The following BTBD17 variants were observed in gnomAD, a reference collection of about 807,000 sequenced individuals.
The protein encoded by BTBD17 is BTB domain containing 17.
Under a neutral mutation model 36.9 loss-of-function variants are expected in BTBD17, and 26 were observed. That is an observed-to-expected ratio of 0.70 (90% CI 0.52 to 0.98). The LOEUF (loss-of-function observed/expected upper bound fraction) is 0.98, where lower values mean the gene tolerates loss of function less well. Ranked by LOEUF, BTBD17 falls within the 50% of genes least tolerant of loss-of-function variation. BTBD17 has a pLI of 0.00. For synonymous variants in BTBD17, 341 were observed against 338.0 expected (o/e 1.01, Z -0.10); for missense variants, 630 against 691.3 (o/e 0.91, Z 0.99).
Position 74,357,778 on chromosome 17 carries a change from C to A in BTBD17, c.363-47G>T. The A allele has an allele frequency of 6.9e-7, 1 of 1,442,168 alleles. No homozygotes were observed. The allele number at this position is 1,442,168 out of a possible 1,614,324, so 89.3% of individuals were successfully genotyped here. Reference sequence around the variant, plus strand: ...GGGGCGGGGTCAGGGCGGTACCCACCTCCCAGGATAGATTTTTTAGAGTCC... The same window carrying A: ...GGGGCGGGGTCAGGGCGGTACCCACATCCCAGGATAGATTTTTTAGAGTCC... On this transcript the variant is annotated intron_variant, in intron 2 of 2. Transcript: ENST00000375366. This position sits in a 1 kb window ranked among gnomAD's most constrained non-coding sequence, Gnocchi z 8.4.
rs770866677 is a variant in BTBD17 at position 74,357,165 on chromosome 17, G to C, written c.929C>G (p.Ala310Gly). 9.7e-6 allele frequency: 15 copies of C among 1,547,176 alleles called. No individual in the cohort carries two copies. Among genetic ancestry groups the C allele is most frequent in the South Asian group, 8.5e-5 (7 of 82,798 alleles). Reference protein sequence around the residue: ...YAKFFDVNGSAFLPRNYLAPA... With the variant: ...YAKFFDVNGSGFLPRNYLAPA... ...CGCGAGGTAGTTGCGGGGCAGGAAGGCGCTGCCGTTGACGTCGAAGAACTT... is the reference window on the plus strand; with the variant it reads ...CGCGAGGTAGTTGCGGGGCAGGAAGCCGCTGCCGTTGACGTCGAAGAACTT... The change falls in exon 3 of 3, where the codon GCC becomes GGC. Residue 310 changes from alanine to glycine, a missense_variant. Coordinates refer to ENST00000375366, the MANE Select transcript of BTBD17 (RefSeq NM_001080466.2). The surrounding 1 kb of genome is among the most constrained non-coding windows in gnomAD (Gnocchi z 8.4).
chr17:74,361,674 G>C (rs527274342), intron 1 of BTBD17, 61 bp downstream of exon 1: 132 of 1,449,990 alleles, frequency 9.1e-5, no homozygotes, highest in Admixed American at 2.0e-4. Context: ...GCCGCGTGCA[G>C]CCAGGGCTGG....
At position 74,360,115 on chromosome 17, in the gene BTBD17, C is replaced by A. The variant is rs766568463; in HGVS notation, c.216G>T (p.Ala72=). Residue 72 remains alanine, a synonymous_variant, in exon 2 of 3, where the codon GCG becomes GCT. Coordinates refer to ENST00000375366, the MANE Select transcript of BTBD17 (RefSeq NM_001080466.2). ...ASDVVLRVQA[A]GTDEVRVFHA... The stretch of plus-strand genomic sequence containing the variant: ...GGAATACCCGGACCTCATCGGTGCC[C>A]GCAGCCTGCACCCGCAGAACCACAT... 1 of 1,613,224 alleles carries A rather than the reference C, an allele frequency of 6.2e-7. No individual in the cohort carries two copies. The highest frequency in any genetic ancestry group is 1.3e-5 in the African/African-American group (1 of 75,060).
At position 74,357,001 on chromosome 17, in the gene BTBD17, G is replaced by A. The variant is rs757638275; in HGVS notation, c.1093C>T (p.Leu365=). 1.3e-6 allele frequency: 2 copies of A among 1,493,114 alleles called. No individual in the cohort carries two copies. Among genetic ancestry groups the A allele is most frequent in the African/African-American group, 1.4e-5 (1 of 69,058 alleles). The allele number at this position is 1,493,114 out of a possible 1,614,324, so 92.5% of individuals were successfully genotyped here. A position where few individuals can be genotyped will look rare whatever the true frequency, so the allele number is the denominator to read the frequency against. The change falls in exon 3 of 3, where the codon CTG becomes TTG. Residue 365 remains leucine, a synonymous_variant. Transcript: ENST00000375366. The surrounding 1 kb of genome is among the most constrained non-coding windows in gnomAD (Gnocchi z 8.4). The part of the protein sequence containing the change: ...TWNVLFSPRW[L]PVSLRPVYAD... ...TAAACGGGCCGCAGGCTGACGGGCA[G>A]CCAGCGCGGCGAGAAGAGCACGTTC...
Position 74,356,756 on chromosome 17 carries a change from G to T in BTBD17, c.1338C>A (p.Asp446Glu). The change falls in exon 3 of 3, where the codon GAC (aspartate) becomes GAA (glutamate). Residue 446 changes from aspartate to glutamate, a missense_variant. Transcript: ENST00000375366. This position sits in a 1 kb window ranked among gnomAD's most constrained non-coding sequence, Gnocchi z 4.3. The stretch of plus-strand genomic sequence containing the variant: ...GGTACTCGGAGTTGCGCCGCTGCAG[G>T]TCGGCGTGCGCCAGGAAGTCGCCGG... The part of the protein sequence containing the change: ...EEAGDFLAHA[D>E]LQRRNSEYLV... 6.2e-7 allele frequency: 1 copy of T among 1,601,710 alleles called. No homozygotes were observed. Among genetic ancestry groups the T allele is most frequent in the Non-Finnish European group, 8.5e-7 (1 of 1,175,054 alleles).
Position 74,356,447 on chromosome 17 carries a change from C to T in BTBD17, c.*210G>A, listed in dbSNP as rs1310560993. On this transcript the variant is annotated 3_prime_UTR_variant, in exon 3 of 3. Coordinates refer to ENST00000375366, the MANE Select transcript of BTBD17 (RefSeq NM_001080466.2). This position sits in a 1 kb window ranked among gnomAD's most constrained non-coding sequence, Gnocchi z 4.3. ...ACTCTGAGCATCGGTTTATTCAGGA[C>T]CAAGAACGTTCCTTCAAGTCAGCTG... 4 of 787,704 alleles carry T rather than the reference C, an allele frequency of 5.1e-6. No homozygotes were observed. The highest frequency in any genetic ancestry group is 7.0e-6 in the Non-Finnish European group (4 of 573,902). The allele number at this position is 787,704 out of a possible 1,614,324, so 48.8% of individuals were successfully genotyped here. A position where few individuals can be genotyped will look rare whatever the true frequency, so the allele number is the denominator to read the frequency against.
chr17:74,356,727 A>G lies in BTBD17; in HGVS notation c.1367T>C (p.Val456Ala), dbSNP rs372405465. Residue 456 changes from valine (V) to alanine (A), a missense_variant, in exon 3 of 3, where the codon GTT becomes GCT. Val to Ala is a moderately conservative substitution (Grantham distance 64). Transcript: ENST00000375366. The surrounding 1 kb of genome is among the most constrained non-coding windows in gnomAD (Gnocchi z 4.3). ...DLQRRNSEYLVENALHLHLIV... is the reference protein window; with the variant it reads ...DLQRRNSEYLAENALHLHLIV... ...GAGGTGCAGGTGCAGGGCGTTCTCA[A>G]CCAGGTACTCGGAGTTGCGCCGCTG... is the stretch of plus-strand genomic sequence containing the variant. 10 of 1,599,180 alleles carry G rather than the reference A, an allele frequency of 6.3e-6. No individual in the cohort carries two copies. The highest frequency in any genetic ancestry group is 3.4e-5 in the South Asian group (3 of 88,320).
chr17:74,357,497 C>A lies in BTBD17; in HGVS notation c.597G>T (p.Val199=). The A allele has an allele frequency of 6.4e-7, 1 of 1,566,966 alleles. No homozygotes were observed. Among genetic ancestry groups the A allele is most frequent in the Non-Finnish European group, 8.6e-7 (1 of 1,164,694 alleles). ...LQFLAWNLSA[V]AASTEWGAVS... ...CGGCGCCCCACTCGGTGCTGGCCGC[C>A]ACGGCCGACAGGTTCCAGGCCAGGA... The change falls in exon 3 of 3, where the codon GTG becomes GTT. Residue 199 remains valine, a synonymous_variant. Transcript: ENST00000375366. This position sits in a 1 kb window ranked among gnomAD's most constrained non-coding sequence, Gnocchi z 8.4.
Position 74,356,916 on chromosome 17 carries a change from A to C in BTBD17, c.1178T>G (p.Leu393Arg). ...AARPEDGRPR[L>R]VVTPASSGGD... is the part of the protein sequence containing the mutation. ...GCCGCTGCTGGCCGGCGTCACCACC[A>C]GCCGCGGTCGGCCGTCCTCCGGGCG... The change falls in exon 3 of 3, where the codon CTG becomes CGG. Residue 393 changes from leucine (L) to arginine (R), a missense_variant. Physicochemically the swap from Leu to Arg is moderately radical, Grantham distance 102. Coordinates refer to ENST00000375366, the MANE Select transcript of BTBD17 (RefSeq NM_001080466.2). The surrounding 1 kb of genome is among the most constrained non-coding windows in gnomAD (Gnocchi z 4.3). 1 of 1,424,584 alleles carries C rather than the reference A, an allele frequency of 7.0e-7. No individual in the cohort carries two copies. Among genetic ancestry groups the C allele is most frequent in the Non-Finnish European group, 9.1e-7 (1 of 1,100,616 alleles). 88.2% of individuals were successfully genotyped at this position (1,424,584 alleles called of 1,614,324 possible).
chr17:74,358,809 T>C (rs556777846), intron 2 of BTBD17, among the ~76,000 whole-genome samples: 1 of 152,240 alleles, frequency 6.6e-6, no homozygotes, highest in African/African-American at 2.4e-5. Context: ...ATTTCTCCCC[T>C]TTCCCCTGCG....
Position 74,357,829 on chromosome 17 carries a change from G to T in BTBD17, c.363-98C>A. ...ACAGGGGACCCGGCCTGGAGTTGGA[G>T]CTTCACTGTCCGGGTGCAAACACAG... On this transcript the variant is annotated intron_variant, in intron 2 of 2. Coordinates refer to ENST00000375366, the MANE Select transcript of BTBD17 (RefSeq NM_001080466.2). This position sits in a 1 kb window ranked among gnomAD's most constrained non-coding sequence, Gnocchi z 8.4. 4 of 952,090 alleles carry T rather than the reference G, an allele frequency of 4.2e-6. No homozygotes were observed. The highest frequency in any genetic ancestry group is 6.0e-6 in the Non-Finnish European group (4 of 661,200). The allele number at this position is 952,090 out of a possible 1,614,324, so 59.0% of individuals were successfully genotyped here.
At chr17:74,362,734 C>T (rs553620260), upstream of BTBD17, among the ~76,000 whole-genome samples, 4 of 152,328 alleles carry the variant, frequency 2.6e-5, no homozygotes, top group African/African-American at 7.2e-5. Flanking sequence ...TCTGGGTTCA[C>T]CTCCTTGGAA....
At chr17:74,362,955 A>AGC (rs149234241), upstream of BTBD17, among the ~76,000 whole-genome samples, 19,939 of 84,556 alleles carry the variant, frequency 0.24, 1,432 homozygotes, top group Admixed American at 0.28. Context: ...GCTCAGCAAA[A>AGC]GCGCGCGCGC....
In BTBD17 at chr17:74,357,124, G is replaced by T; in HGVS notation, c.970C>A (p.Pro324Thr). ...RNYLAPAWGA[P>T]WVINNPARDD... ...CGGGCCGGGTTGTTGATGACCCACG[G>T]GGCGCCCCAGGCGGGCGCGAGGTAG... The change falls in exon 3 of 3, where the codon CCG becomes ACG. Residue 324 changes from proline to threonine, a missense_variant. By Grantham distance (38) the Pro-to-Thr change is conservative (BLOSUM62 -1). Transcript: ENST00000375366. This position sits in a 1 kb window ranked among gnomAD's most constrained non-coding sequence, Gnocchi z 8.4. 1 of 1,527,392 alleles carries T rather than the reference G, an allele frequency of 6.5e-7. No homozygotes were observed. 94.6% of individuals were successfully genotyped at this position (1,527,392 alleles called of 1,614,324 possible). A position where few individuals can be genotyped will look rare whatever the true frequency, so the allele number is the denominator to read the frequency against.
rs1439957127 is a variant in BTBD17 at position 74,357,831 on chromosome 17, T to C, written c.363-100A>G. ...AGGGGACCCGGCCTGGAGTTGGAGCTTCACTGTCCGGGTGCAAACACAGTG... is the reference window on the plus strand; with the variant it reads ...AGGGGACCCGGCCTGGAGTTGGAGCCTCACTGTCCGGGTGCAAACACAGTG... On this transcript the variant is annotated intron_variant, in intron 2 of 2. Transcript: ENST00000375366. The surrounding 1 kb of genome is among the most constrained non-coding windows in gnomAD (Gnocchi z 8.4). 2.1e-6 allele frequency: 2 copies of C among 939,082 alleles called. No homozygotes were observed. The highest frequency in any genetic ancestry group is 3.1e-6 in the Non-Finnish European group (2 of 650,784). The allele number at this position is 939,082 out of a possible 1,614,324, so 58.2% of individuals were successfully genotyped here. A position where few individuals can be genotyped will look rare whatever the true frequency, so the allele number is the denominator to read the frequency against.
In BTBD17 at chr17:74,357,017, G is replaced by C. The variant is rs745320482; in HGVS notation, c.1077C>G (p.Leu359=). The part of the protein sequence containing the change: ...DAGRRVTWNV[L]FSPRWLPVSL... The stretch of plus-strand genomic sequence containing the variant: ...TGACGGGCAGCCAGCGCGGCGAGAA[G>C]AGCACGTTCCAGGTGACCCGGCGGC... Residue 359 remains leucine (L), a synonymous_variant, in exon 3 of 3, where the codon CTC becomes CTG. Transcript: ENST00000375366. This position sits in a 1 kb window ranked among gnomAD's most constrained non-coding sequence, Gnocchi z 8.4. 1 of 1,518,428 alleles carries C rather than the reference G, an allele frequency of 6.6e-7. No homozygotes were observed. Among genetic ancestry groups the C allele is most frequent in the East Asian group, 2.7e-5 (1 of 37,250 alleles). 94.1% of individuals were successfully genotyped at this position (1,518,428 alleles called of 1,614,324 possible).
rs1386261996 is a variant in BTBD17 at position 74,357,128 on chromosome 17, G to T, written c.966C>A (p.Gly322=). 1 of 1,524,524 alleles carries T rather than the reference G, an allele frequency of 6.6e-7. No homozygotes were observed. Among genetic ancestry groups the T allele is most frequent in the Non-Finnish European group, 8.7e-7 (1 of 1,144,378 alleles). 94.4% of individuals were successfully genotyped at this position (1,524,524 alleles called of 1,614,324 possible). A position where few individuals can be genotyped will look rare whatever the true frequency, so the allele number is the denominator to read the frequency against. The change falls in exon 3 of 3, where the codon GGC becomes GGA. Residue 322 remains glycine (G), a synonymous_variant. Coordinates refer to ENST00000375366, the MANE Select transcript of BTBD17 (RefSeq NM_001080466.2). The surrounding 1 kb of genome is among the most constrained non-coding windows in gnomAD (Gnocchi z 8.4). ...CCGGGTTGTTGATGACCCACGGGGC[G>T]CCCCAGGCGGGCGCGAGGTAGTTGC... ...LPRNYLAPAW[G]APWVINNPAR...
upstream of BTBD17, among the ~76,000 whole-genome samples, chr17:74,362,414 T>A (rs887114278): frequency 4.6e-5 from 7 of 152,206 alleles, no homozygotes; most frequent in Non-Finnish European, 1.0e-4. Flanking sequence ...TAGGGGCCCA[T>A]GGGCAACTGA....
At chr17:74,358,385 A>T (rs1261326238) in intron 2 of BTBD17, among the ~76,000 whole-genome samples, 3 of 150,522 alleles carry the variant, frequency 2.0e-5, no homozygotes, top group Non-Finnish European at 4.4e-5. Flanking sequence ...TTGTAGTCCC[A>T]GCTGCCTGGG....
Sources: allele counts gnomAD v4.1 joint callset (sites outside exome capture counted in the v4.1 genomes callset), GRCh38; gene constraint gnomAD v4.1.1; non-coding constraint Gnocchi (gnomAD v3.1); transcripts MANE v1.5; gene names NCBI Gene and HGNC (gene_info 2026-07-23, HGNC 2026-07-21).